Variants in CAMKK1 observed in about 807,000 individuals in gnomAD.
CAMKK1 encodes calcium/calmodulin-dependent protein kinase kinase 1.
In CAMKK1, 20 loss-of-function variants were observed where a neutral mutation model predicts 63.5. The observed-to-expected ratio is 0.32, with a 90% CI of 0.22 to 0.46. The LOEUF is 0.46. CAMKK1 is among the 20% of genes least tolerant of loss of function. The pLI is 1.00. For missense variants in CAMKK1, 588 were observed against 658.1 expected (o/e 0.89, Z 1.17); for synonymous variants, 253 against 269.0 (o/e 0.94, Z 0.58).
chr17:3,876,116 C>A (rs573214444), intron 10 of CAMKK1, 107 bp downstream of exon 10: 2 of 1,056,140 alleles, frequency 1.9e-6, no homozygotes, highest in Non-Finnish European at 2.7e-6. Flanking sequence ...ATATGTCACT[C>A]CCTAGACACA....
Position 3,865,627 on chromosome 17 carries a change from T to A in CAMKK1, c.1445+281A>T. 3 of 1,279,118 alleles carry A rather than the reference T, an allele frequency of 2.3e-6. No individual in the cohort carries two copies. The Admixed American group carries it at 9.9e-5, about 42-fold the overall frequency. 79.2% of individuals were successfully genotyped at this position (1,279,118 alleles called of 1,614,324 possible). A position where few individuals can be genotyped will look rare whatever the true frequency, so the allele number is the denominator to read the frequency against. On this transcript the variant is annotated intron_variant, in intron 15 of 15. Transcript: ENST00000348335. ...GACATCAAGCTGCATGGAAGAAGGG[T>A]CTTCCTGTCCCATGGAGGGGCTGCG... is the stretch of plus-strand genomic sequence containing the variant.
rs1196142655 is a variant in CAMKK1, at chr17:3,879,915, C to T, written c.796+431G>A. On this transcript the variant is annotated intron_variant, in intron 9 of 15. Transcript: ENST00000348335. This position sits in a 1 kb window ranked among gnomAD's most constrained non-coding sequence, Gnocchi z 4.5. ...ACAGAGGCCAAGCTCACATCACCCT[C>T]CTGAGCTCTTATCAGACTAGGGCCC... 1 of 180,764 alleles carries T rather than the reference C, an allele frequency of 5.5e-6. No individual in the cohort carries two copies. The highest frequency in any genetic ancestry group is 1.2e-5 in the Non-Finnish European group (1 of 85,134). 11.2% of individuals were successfully genotyped at this position (180,764 alleles called of 1,614,324 possible).
chr17:3,871,194 A>G (rs1276741029), intron 12 of CAMKK1, among the ~76,000 whole-genome samples: 3 of 152,084 alleles, frequency 2.0e-5, no homozygotes, highest in South Asian at 4.1e-4. Flanking sequence ...GGCAAGGGGT[A>G]TAAGTGGCAA....
chr17:3,891,951 G>A (rs2055917617), intron 1 of CAMKK1, among the ~76,000 whole-genome samples: 1 of 152,128 alleles, frequency 6.6e-6, no homozygotes, highest in African/African-American at 2.4e-5. Flanking sequence ...GACGGTGGGA[G>A]ACCGAGGAAG....
chr17:3,885,764 G>T (rs1373036682), intron 1 of CAMKK1, 34 bp from the exon 2 acceptor site: 1 of 1,576,316 alleles, frequency 6.3e-7, no homozygotes, highest in East Asian at 2.2e-5. Flanking sequence ...CTTCACTCCT[G>T]GGTGTCAGGC....
chr17:3,868,953 TTTCTTTC>T, intron 14 of CAMKK1, among the ~76,000 whole-genome samples: 1 of 120,864 alleles, frequency 8.3e-6, no homozygotes, highest in South Asian at 2.8e-4. Flanking sequence ...GCGCCCGGTA[TTTCTTTC>T]TTTTCTTTTC....
In CAMKK1 at chr17:3,888,914, G is replaced by A. The variant is rs1487098182; in HGVS notation, c.-43-3184C>T. ...GCAGGCTGTGGACCAGGGTGGTGGC[G>A]TGTGTGTGTGTGTGTGTGTGTTGTG... On this transcript the variant is annotated intron_variant, in intron 1 of 15. Transcript: ENST00000348335. 4.1e-4 allele frequency among the ~76,000 whole-genome samples: 15 copies of A among 36,332 alleles called. No homozygotes were observed. The South Asian group carries it at 6.5e-3, about 16-fold the overall frequency. The allele number at this position is 36,332 out of a possible 152,430, so 23.8% of individuals were successfully genotyped here. A position where few individuals can be genotyped will look rare whatever the true frequency, so the allele number is the denominator to read the frequency against.
chr17:3,882,684 G>T lies in CAMKK1; in HGVS notation c.649-120C>A, dbSNP rs1040357950. On this transcript the variant is annotated intron_variant, in intron 6 of 15. Transcript: ENST00000348335. This position sits in a 1 kb window ranked among gnomAD's most constrained non-coding sequence, Gnocchi z 4.3. ...GTATGCATGCAACCACCCCAGACAAGGAAGCAGGAAGTGTACAGGTGGTGC... is the reference window on the plus strand; with the variant it reads ...GTATGCATGCAACCACCCCAGACAATGAAGCAGGAAGTGTACAGGTGGTGC... 1 of 954,944 alleles carries T rather than the reference G, an allele frequency of 1.0e-6. No individual in the cohort carries two copies. Among genetic ancestry groups the T allele is most frequent in the African/African-American group, 1.6e-5 (1 of 61,418 alleles). 59.2% of individuals were successfully genotyped at this position (954,944 alleles called of 1,614,324 possible).
intron 12 of CAMKK1, among the ~76,000 whole-genome samples, chr17:3,872,004 C>T (rs1385539452): frequency 6.6e-6 from 1 of 152,210 alleles, no homozygotes; most frequent in Non-Finnish European, 1.5e-5. Context: ...CAGGCTGTGG[C>T]TGCCACGGTG....
chr17:3,878,115 T>C (rs2055247652), intron 9 of CAMKK1, among the ~76,000 whole-genome samples: 1 of 152,124 alleles, frequency 6.6e-6, no homozygotes, highest in Non-Finnish European at 1.5e-5. Flanking sequence ...TGAGCTCAGC[T>C]TCTCACATCT....
At position 3,887,280 on chromosome 17, in the gene CAMKK1, G is replaced by C. The variant is rs1317812681; in HGVS notation, c.-43-1550C>G. ...GGTTTGGAGGTAGACTGAGGGTAAG[G>C]GTGAGGTCCAGACCCCCTGTGCCCG... On this transcript the variant is annotated intron_variant, in intron 1 of 15. Transcript: ENST00000348335. This position sits in a 1 kb window ranked among gnomAD's most constrained non-coding sequence, Gnocchi z 6.1. Among the ~76,000 whole-genome samples, 1 of 152,188 alleles carries C rather than the reference G, an allele frequency of 6.6e-6. No homozygotes were observed. Among genetic ancestry groups the C allele is most frequent in the Non-Finnish European group, 1.5e-5 (1 of 68,036 alleles).
intron 15 of CAMKK1, among the ~76,000 whole-genome samples, chr17:3,864,697 C>G (rs1209546247): frequency 6.6e-6 from 1 of 152,178 alleles, no homozygotes; most frequent in Non-Finnish European, 1.5e-5. Flanking sequence ...AATCCTCCCC[C>G]AACCGCAACC....
rs907466454 is a variant in CAMKK1, at chr17:3,890,975, C to G, written c.-44+1964G>C. 1.3e-5 allele frequency among the ~76,000 whole-genome samples: 2 copies of G among 152,184 alleles called. No homozygotes were observed. Among genetic ancestry groups the G allele is most frequent in the East Asian group, 1.9e-4 (1 of 5,192 alleles). On this transcript the variant is annotated intron_variant, in intron 1 of 15. Coordinates refer to ENST00000348335, the MANE Select transcript of CAMKK1 (RefSeq NM_032294.3). This position sits in a 1 kb window ranked among gnomAD's most constrained non-coding sequence, Gnocchi z 6.5. ...GGCTAACACCTCCACCCCACCCTAC[C>G]CCATCCTCCACACCAGCTGCTGGAG...
intron 10 of CAMKK1, among the ~76,000 whole-genome samples, chr17:3,874,999 G>A (rs999379832): frequency 1.3e-5 from 2 of 151,976 alleles, no homozygotes; most frequent in African/African-American, 4.8e-5. Flanking sequence ...GTGGGCGCCT[G>A]TAGTCCCAGC....
At chr17:3,886,116 G>A (rs188366844) in intron 1 of CAMKK1, among the ~76,000 whole-genome samples, 1 of 152,360 alleles carries the variant, frequency 6.6e-6, no homozygotes, top group Admixed American at 6.5e-5. Context: ...TGTGAGTCAT[G>A]AGTCCCAACC....
intron 12 of CAMKK1, among the ~76,000 whole-genome samples, chr17:3,870,688 A>G (rs1232217637): frequency 6.6e-6 from 1 of 152,146 alleles, no homozygotes; most frequent in Non-Finnish European, 1.5e-5. Flanking sequence ...CTTTGCCACC[A>G]GTGGTCTTGG....
In CAMKK1 at chr17:3,885,505, C is replaced by A. The variant is rs759092990; in HGVS notation, c.183G>T (p.Leu61=). 1 of 1,613,878 alleles carries A rather than the reference C, an allele frequency of 6.2e-7. No individual in the cohort carries two copies. Among genetic ancestry groups the A allele is most frequent in the Non-Finnish European group, 8.5e-7 (1 of 1,180,028 alleles). Residue 61 remains leucine, a synonymous_variant, in exon 2 of 16, where the codon CTG becomes CTT. Transcript: ENST00000348335. ...CTGAGAGGCTAGGCCGGGCTGGGAG[C>A]AGTCTTGAAGTACTGCCAGGGATCA... is the stretch of plus-strand genomic sequence containing the variant. ...ASVIPGSTSR[L]LPARPSLSAR...
In CAMKK1 at chr17:3,885,546, C is replaced by A. The variant is rs184475457; in HGVS notation, c.142G>T (p.Ala48Ser). The A allele has an allele frequency of 3.7e-6, 6 of 1,614,012 alleles. No individual in the cohort carries two copies. The highest frequency in any genetic ancestry group is 1.6e-4 in the Middle Eastern group (1 of 6,062). The part of the protein sequence containing the change: ...TRNGVDPPPR[A>S]RAASVIPGST... ...CCAGGGATCACAGAGGCAGCTCTGG[C>A]CCGTGGTGGGGGGTCCACACCGTTT... The change falls in exon 2 of 16, where the codon GCC becomes TCC. Residue 48 changes from alanine (A) to serine (S), a missense_variant. Ala to Ser is a moderately conservative substitution (Grantham distance 99). Coordinates refer to ENST00000348335, the MANE Select transcript of CAMKK1 (RefSeq NM_032294.3).
intron 15 of CAMKK1, chr17:3,865,689 T>A: frequency 7.1e-7 from 1 of 1,406,264 alleles, no homozygotes; most frequent in South Asian, 1.5e-5. Context: ...GTGTGAGGGA[T>A]GCTGGCCCCA....
Sources: allele counts gnomAD v4.1 joint callset (sites outside exome capture counted in the v4.1 genomes callset), GRCh38; gene constraint gnomAD v4.1.1; non-coding constraint Gnocchi (gnomAD v3.1); transcripts MANE v1.5; gene names NCBI Gene and HGNC (gene_info 2026-07-23, HGNC 2026-07-21).